The following WDR17 variants were observed in gnomAD, a reference collection of about 807,000 sequenced individuals.
WDR17 encodes the protein WD repeat-containing protein 17.
WDR17 carries 143 observed loss-of-function variants against 161.7 expected under a neutral mutation model. The observed-to-expected ratio is 0.88, with a 90% CI of 0.77 to 1.02. WDR17 has a LOEUF of 1.02. WDR17 is among the 50% of genes least tolerant of loss of function. The probability of loss-of-function intolerance (pLI) is 0.00; values close to 1 mark genes in which losing one functional copy is unlikely to be tolerated. For synonymous variants in WDR17, 517 were observed against 515.6 expected, an observed-to-expected ratio of 1.00 and a Z score of -0.04; for missense variants, 1,469 against 1,520.9, an observed-to-expected ratio of 0.97 and a Z score of 0.57.
rs1036362700 is a variant in WDR17 at position 176,181,667 on chromosome 4, G to A, written c.*2088G>A. The A allele has an allele frequency of 6.5e-6, 1 of 154,376 alleles. No individual in the cohort carries two copies. The highest frequency in any genetic ancestry group is 2.4e-5 in the African/African-American group (1 of 41,422). 9.6% of individuals were successfully genotyped at this position (154,376 alleles called of 1,614,324 possible). On this transcript the variant is annotated 3_prime_UTR_variant, in exon 29 of 29. Transcript: ENST00000508596. ...AAAAACCCCTCACTTAAAAATGGCA[G>A]TCTCAATCCTACTGTCATTCTTTTT...
In WDR17 at chr4:176,148,216, G is replaced by A; in HGVS notation, c.1778G>A (p.Trp593Ter). The A allele has an allele frequency of 6.2e-7, 1 of 1,613,994 alleles. No individual in the cohort carries two copies. Among genetic ancestry groups the A allele is most frequent in the Non-Finnish European group, 8.5e-7 (1 of 1,179,950 alleles). Residue 593 changes from tryptophan (W) to a stop codon, truncating the protein, a stop_gained, in exon 13 of 29, where the codon TGG becomes TAG. Transcript: ENST00000508596. LOFTEE classifies it high-confidence loss of function. ...GHTAPVRGLM[W>*]NTEIPYLLIS... ...ACTGCACCTGTGAGAGGATTAATGT[G>A]GAATACTGAGATTCCATATCTGCTC...
chr4:176,150,197 C>G, intron 15 of WDR17, 24 bp downstream of exon 15: 1 of 1,606,050 alleles, frequency 6.2e-7, no homozygotes, highest in Non-Finnish European at 8.5e-7. Flanking sequence ...GAATTAAATG[C>G]GAATATTTTC....
intron 7 of WDR17, among the ~76,000 whole-genome samples, chr4:176,132,677 T>C (rs1030431336): frequency 6.6e-6 from 1 of 152,010 alleles, no homozygotes; most frequent in Non-Finnish European, 1.5e-5. Flanking sequence ...AATTTTCCTT[T>C]TGTAGATATT....
At chr4:176,159,681 T>G (rs942186403) in intron 18 of WDR17, among the ~76,000 whole-genome samples, 1 of 152,226 alleles carries the variant, frequency 6.6e-6, no homozygotes, top group Non-Finnish European at 1.5e-5. Context: ...ACACGTACCT[T>G]GTATAAAACA....
chr4:176,150,784 G>T (rs893010062), intron 16 of WDR17, among the ~76,000 whole-genome samples, 191 bp downstream of exon 16: 1 of 152,126 alleles, frequency 6.6e-6, no homozygotes, highest in African/African-American at 2.4e-5. Context: ...GTCAATCATG[G>T]TTATCATAGG....
In WDR17 at chr4:176,119,964, A is replaced by T. The variant is rs371924905; in HGVS notation, c.405A>T (p.Pro135=). 1.2e-6 allele frequency: 2 copies of T among 1,613,982 alleles called. No individual in the cohort carries two copies. The highest frequency in any genetic ancestry group is 1.7e-6 in the Non-Finnish European group (2 of 1,180,006). ...GPLFIWTISG[P]DSGVIVHKDA... is the part of the protein sequence containing the mutation. The stretch of plus-strand genomic sequence containing the variant: ...TGTTCATTTGGACCATCTCAGGACC[A>T]GATAGTGGAGTGATTGTACACAAAG... The change falls in exon 4 of 29, where the codon CCA becomes CCT. Residue 135 remains proline, a synonymous_variant. Coordinates refer to ENST00000508596, the MANE Select transcript of WDR17 (RefSeq NM_181265.4).
At chr4:176,088,095 T>G (rs1244831381) in intron 1 of WDR17, among the ~76,000 whole-genome samples, 1 of 152,088 alleles carries the variant, frequency 6.6e-6, no homozygotes, top group Non-Finnish European at 1.5e-5. Flanking sequence ...CTGCCCTCCT[T>G]GGCTTCCCAA....
intron 6 of WDR17, among the ~76,000 whole-genome samples, chr4:176,130,102 A>G (rs1199022939): frequency 6.6e-6 from 1 of 152,130 alleles, no homozygotes; most frequent in Non-Finnish European, 1.5e-5. Context: ...TTTCCCTTCA[A>G]TTTAATATAA....
At chr4:176,129,025 T>A (rs528268497) in intron 6 of WDR17, among the ~76,000 whole-genome samples, 165 bp downstream of exon 6, 3 of 152,246 alleles carry the variant, frequency 2.0e-5, no homozygotes, top group African/African-American at 7.2e-5. Flanking sequence ...CTACACAAGA[T>A]CTACTGTTAC....
In WDR17 at chr4:176,160,942, A is replaced by G. The variant is rs1033407126; in HGVS notation, c.2690A>G (p.His897Arg). 1.4e-5 allele frequency: 22 copies of G among 1,609,208 alleles called. No individual in the cohort carries two copies. Among genetic ancestry groups the G allele is most frequent in the Non-Finnish European group, 1.4e-5 (16 of 1,178,002 alleles). ...TGTGAAGGAAATATGCAGCCCTTAC[A>G]TGTTTCCGTGCCTAAAGGAGCTTCA... ...AACEGNMQPL[H>R]VSVPKGASYS... The change falls in exon 20 of 29, where the codon CAT becomes CGT. Residue 897 changes from histidine to arginine, a missense_variant. Coordinates refer to ENST00000508596, the MANE Select transcript of WDR17 (RefSeq NM_181265.4).
In WDR17 at chr4:176,158,526, T is replaced by A. The variant is rs375903388; in HGVS notation, c.2526-1468T>A. Among the ~76,000 whole-genome samples, 14 of 152,314 alleles carry A rather than the reference T, an allele frequency of 9.2e-5. No individual in the cohort carries two copies. In the South Asian group the frequency reaches 2.9e-3, roughly 32 times the overall value. On this transcript the variant is annotated intron_variant, in intron 18 of 28. Transcript: ENST00000508596. ...AATCAAATGGCACGAAGATCATTAG[T>A]TCTCTTTGGACATGTTGAGCTTGAA...
chr4:176,179,669 G>A lies in WDR17; in HGVS notation c.*90G>A. ...CTTAATCTTTGTTGCTCAAGTGCCA[G>A]AGGTTGGGAGAAGGATTGCAGGTTG... On this transcript the variant is annotated 3_prime_UTR_variant, in exon 29 of 29. Transcript: ENST00000508596. 5 of 1,304,348 alleles carry A rather than the reference G, an allele frequency of 3.8e-6. No homozygotes were observed. Among genetic ancestry groups the A allele is most frequent in the Non-Finnish European group, 5.0e-6 (5 of 1,004,232 alleles). 80.8% of individuals were successfully genotyped at this position (1,304,348 alleles called of 1,614,324 possible). A position where few individuals can be genotyped will look rare whatever the true frequency, so the allele number is the denominator to read the frequency against.
At chr4:176,109,562 GGAGAA>G (rs1201336289) in intron 1 of WDR17, among the ~76,000 whole-genome samples, 4 of 152,108 alleles carry the variant, frequency 2.6e-5, no homozygotes, top group Non-Finnish European at 5.9e-5. Context: ...AGAAAGAATT[GGAGAA>G]GAGAAGAGGA....
At chr4:176,172,261 G>T in intron 23 of WDR17, 114 bp from the exon 24 acceptor site, 1 of 885,056 alleles carries the variant, frequency 1.1e-6, no homozygotes, top group Non-Finnish European at 1.7e-6. Context: ...ATCTATTTTA[G>T]ATAACTTTAA....
intron 17 of WDR17, among the ~76,000 whole-genome samples, chr4:176,155,063 A>C (rs1747849349): frequency 6.6e-6 from 1 of 152,168 alleles, no homozygotes; most frequent in Non-Finnish European, 1.5e-5. Context: ...ATAAAATAGA[A>C]ATAGATGGTA....
intron 13 of WDR17, among the ~76,000 whole-genome samples, chr4:176,148,736 C>T (rs1305701571): frequency 6.6e-6 from 1 of 152,116 alleles, no homozygotes; most frequent in African/African-American, 2.4e-5. Flanking sequence ...GAGTAGATAC[C>T]ACTTATTTAA....
Position 176,142,059 on chromosome 4 carries a change from CA to C in WDR17, c.1523del (p.Asn508ThrfsTer5). ...PAAVFGCDWS[Q>X]NNKDMIATGC... ...TGCAGTGTTTGGTTGTGATTGGAGCCAAAACAATAAGTAAGTGGTTTTTTTT... is the reference window on the plus strand; with the variant it reads ...TGCAGTGTTTGGTTGTGATTGGAGCCAAACAATAAGTAAGTGGTTTTTTTT... On this transcript the variant is annotated frameshift_variant, in exon 11 of 29. Transcript: ENST00000508596. LOFTEE classifies it high-confidence loss of function. 1.9e-6 allele frequency: 3 copies of C among 1,607,694 alleles called. No individual in the cohort carries two copies. The highest frequency in any genetic ancestry group is 2.5e-6 in the Non-Finnish European group (3 of 1,176,866).
chr4:176,091,212 A>G (rs1277223365), intron 1 of WDR17, among the ~76,000 whole-genome samples: 1 of 152,222 alleles, frequency 6.6e-6, no homozygotes. Context: ...TCTCCCCAAC[A>G]CATGCATCAT....
chr4:176,117,164 A>C (rs1415835488), intron 3 of WDR17, among the ~76,000 whole-genome samples: 2 of 152,028 alleles, frequency 1.3e-5, no homozygotes, highest in African/African-American at 4.8e-5. Flanking sequence ...TGAGAAAAAA[A>C]CAAATTATTT....
Sources: allele counts gnomAD v4.1 joint callset (sites outside exome capture counted in the v4.1 genomes callset), GRCh38; gene constraint gnomAD v4.1.1; transcripts MANE v1.5; gene names NCBI Gene and HGNC (gene_info 2026-07-23, HGNC 2026-07-21).